The following UMAD1 variants were observed in gnomAD, a reference collection of about 807,000 sequenced individuals.
UMAD1 encodes UBAP1-MVB12-associated (UMA)-domain containing protein 1.
A neutral mutation model predicts 6.1 loss-of-function variants in UMAD1; 8 were observed. The observed-to-expected ratio is 1.30, with a 90% confidence interval of 0.76 to 2.35. The LOEUF (loss-of-function observed/expected upper bound fraction) is 2.35. Ranked by LOEUF, UMAD1 falls within the 30% of genes most tolerant of loss-of-function variation. UMAD1 has a pLI of 0.00. For synonymous variants in UMAD1, 56 were observed against 31.4 expected, an observed-to-expected ratio of 1.78 and a Z score of -2.61; for missense variants, 130 against 78.4, an observed-to-expected ratio of 1.66 and a Z score of -2.49.
chr7:7,753,442 G>C (rs1781716924), intron 2 of UMAD1, among the ~76,000 whole-genome samples: 1 of 152,042 alleles, frequency 6.6e-6, no homozygotes, highest in Non-Finnish European at 1.5e-5. Context: ...CCTTGCCTCT[G>C]GTAACCATTC....
intron 2 of UMAD1, among the ~76,000 whole-genome samples, chr7:7,779,691 C>G (rs555438852): frequency 1.3e-5 from 2 of 152,132 alleles, no homozygotes; most frequent in Non-Finnish European, 2.9e-5. Context: ...GCCATCCAGG[C>G]TGAAGTGCAG....
chr7:7,729,392 G>GT (rs2115190402), intron 2 of UMAD1, among the ~76,000 whole-genome samples: 1 of 152,292 alleles, frequency 6.6e-6, no homozygotes, highest in Admixed American at 6.5e-5. Flanking sequence ...TTGAAATGAT[G>GT]TTTCGTTTTC....
intron 1 of UMAD1, among the ~76,000 whole-genome samples, chr7:7,650,145 T>G (rs1365150404): frequency 6.6e-6 from 1 of 152,234 alleles, no homozygotes; most frequent in East Asian, 1.9e-4. Context: ...CTTTTCCCAA[T>G]TTTTATGCTG....
At chr7:7,818,114 A>AT (rs1783168312) in intron 3 of UMAD1, among the ~76,000 whole-genome samples, 1 of 152,086 alleles carries the variant, frequency 6.6e-6, no homozygotes. Context: ...GTACTTAGTT[A>AT]TTTTTTCTGC....
chr7:7,736,340 T>G (rs566600263), intron 2 of UMAD1: 1 of 153,088 alleles, frequency 6.5e-6, no homozygotes, highest in African/African-American at 2.4e-5. Context: ...CCAGCTGTCA[T>G]TCTAAAACAT....
At chr7:7,846,550 A>G (rs1164193974) in intron 3 of UMAD1, among the ~76,000 whole-genome samples, 6 of 152,174 alleles carry the variant, frequency 3.9e-5, no homozygotes, top group Non-Finnish European at 8.8e-5. Flanking sequence ...TATCTTAAAA[A>G]GCTCAGCTGA....
At chr7:7,726,276 A>G (rs1237385031) in intron 2 of UMAD1, among the ~76,000 whole-genome samples, 2 of 152,212 alleles carry the variant, frequency 1.3e-5, no homozygotes, top group African/African-American at 2.4e-5. Flanking sequence ...GGAATACCTT[A>G]TCCACCATCA....
chr7:7,862,333 T>C (rs1376922402), intron 3 of UMAD1, among the ~76,000 whole-genome samples: 1 of 152,200 alleles, frequency 6.6e-6, no homozygotes, highest in Non-Finnish European at 1.5e-5. Flanking sequence ...GAAATGAGTA[T>C]TATTCCCTTC....
chr7:7,866,357 T>C (rs1227664667), intron 3 of UMAD1, among the ~76,000 whole-genome samples: 1 of 152,146 alleles, frequency 6.6e-6, no homozygotes, highest in African/African-American at 2.4e-5. Flanking sequence ...GAGTGTGATG[T>C]GTGCTGTGAG....
rs187837571 is a variant in UMAD1 at position 7,666,735 on chromosome 7, T to A, written c.-63-6574T>A. On this transcript the variant is annotated intron_variant, in intron 1 of 3. Coordinates refer to ENST00000682710, the MANE Select transcript of UMAD1 (RefSeq NM_001302348.2). ...AAGAGTTCTTTATATATCCTTTATA[T>A]ACATTATTTATCAAATATGTGATTT... Among the ~76,000 whole-genome samples the A allele has an allele frequency of 1.4e-3, 219 of 152,310 alleles. 2 individuals carry two copies. Among genetic ancestry groups the A allele is most frequent in the African/African-American group, 4.9e-3 (203 of 41,584 alleles).
At chr7:7,651,547 T>G (rs1176220193) in intron 1 of UMAD1, among the ~76,000 whole-genome samples, 1 of 152,230 alleles carries the variant, frequency 6.6e-6, no homozygotes, top group Non-Finnish European at 1.5e-5. Context: ...TTTGGGTACG[T>G]ATTTTTCCAT....
rs1326280075 is a variant in UMAD1, at chr7:7,665,625, GAACAT to G, written c.-63-7682_-63-7678del. Among the ~76,000 whole-genome samples the G allele has an allele frequency of 8.5e-5, 13 of 152,198 alleles. No homozygotes were observed. In the South Asian group the frequency reaches 2.5e-3, roughly 29 times the overall value. ...AAACAGTCACTGCTGTCAAGATAAT[GAACAT>G]ACCCATCACTTCCAAGAGTTTCCTG... is the stretch of plus-strand genomic sequence containing the variant. On this transcript the variant is annotated intron_variant, in intron 1 of 3. Transcript: ENST00000682710.
intron 3 of UMAD1, among the ~76,000 whole-genome samples, chr7:7,844,061 A>C (rs1334632271): frequency 6.6e-6 from 1 of 152,216 alleles, no homozygotes; most frequent in Non-Finnish European, 1.5e-5. Flanking sequence ...ATGCCTGAAT[A>C]CTTATCCTAA....
intron 3 of UMAD1, among the ~76,000 whole-genome samples, chr7:7,844,805 C>G (rs1166254464): frequency 6.6e-6 from 1 of 152,132 alleles, no homozygotes. Flanking sequence ...ATGTTAAACA[C>G]ATTCACATAA....
chr7:7,678,637 GATAAATATATATTTATATATTTAGTTT>G (rs1563113837), intron 2 of UMAD1, among the ~76,000 whole-genome samples: 170 of 31,988 alleles, frequency 5.3e-3, no homozygotes, highest in Non-Finnish European at 9.1e-3. Flanking sequence ...TTAATTTATA[GATAAATATATATTTATATATTTAGTTT>G]ATAAATATAT....
At chr7:7,767,128 C>CTTTTTTTTTTTTTTTTTTTTTTTTTTTTT (rs71014711) in intron 2 of UMAD1, among the ~76,000 whole-genome samples, 5 of 129,792 alleles carry the variant, frequency 3.9e-5, no homozygotes, top group East Asian at 2.2e-4. Flanking sequence ...AAATTAAGCT[C>CTTTTTTTTTTTTTTTTTTTTTTTTTTTTT]TTTTTTTTTT....
intron 2 of UMAD1, among the ~76,000 whole-genome samples, chr7:7,795,826 A>C (rs936666925): frequency 3.9e-5 from 6 of 152,178 alleles, no homozygotes; most frequent in African/African-American, 1.4e-4. Flanking sequence ...GGCCACTTTC[A>C]TCACCATTTT....
At chr7:7,763,596 G>T (rs572627495) in intron 2 of UMAD1, among the ~76,000 whole-genome samples, 1 of 152,166 alleles carries the variant, frequency 6.6e-6, no homozygotes, top group East Asian at 1.9e-4. Flanking sequence ...TGAAATTTAG[G>T]CCGGGCGTGG....
At chr7:7,695,299 A>C (rs1274235141) in intron 2 of UMAD1, among the ~76,000 whole-genome samples, 1 of 152,180 alleles carries the variant, frequency 6.6e-6, no homozygotes, top group Non-Finnish European at 1.5e-5. Flanking sequence ...AGTTTATCTC[A>C]TAGAGAATTC....
Sources: allele counts gnomAD v4.1 joint callset (sites outside exome capture counted in the v4.1 genomes callset), GRCh38; gene constraint gnomAD v4.1.1; transcripts MANE v1.5; gene names NCBI Gene and HGNC (gene_info 2026-07-23, HGNC 2026-07-21).